Variants in CFAP20DC observed in about 807,000 individuals in gnomAD.
CFAP20DC encodes the protein protein CFAP20DC.
A neutral mutation model predicts 101.7 loss-of-function variants in CFAP20DC; 84 were observed. The ratio of observed to expected loss-of-function variants is 0.83; its 90% CI spans 0.69 to 0.99. CFAP20DC has a LOEUF of 0.99. Among genes scored for constraint, CFAP20DC ranks in the 50% least tolerant of loss-of-function variants. CFAP20DC has a pLI of 0.00. For synonymous variants in CFAP20DC, 359 were observed against 351.2 expected, an observed-to-expected ratio of 1.02 and a Z score of -0.25; for missense variants, 1,007 against 970.3, an observed-to-expected ratio of 1.04 and a Z score of -0.50.
chr3:59,040,084 A>G (rs1044308107), intron 3 of CFAP20DC, among the ~76,000 whole-genome samples: 29 of 152,032 alleles, frequency 1.9e-4, no homozygotes, highest in African/African-American at 6.8e-4. Flanking sequence ...AACAATTCTA[A>G]TTATGACAAC....
At chr3:58,819,455 G>C (rs1284951814) in intron 14 of CFAP20DC, among the ~76,000 whole-genome samples, 2 of 149,692 alleles carry the variant, frequency 1.3e-5, no homozygotes, top group African/African-American at 2.5e-5. Context: ...AATGATAAAG[G>C]GGATATCACC....
intron 4 of CFAP20DC, 98 bp from the exon 5 acceptor site, chr3:58,937,860 C>A (rs2087927851): frequency 1.4e-6 from 1 of 693,122 alleles, no homozygotes; most frequent in Non-Finnish European, 2.5e-6. Flanking sequence ...CATACAGACC[C>A]TTTTCAACAG....
chr3:58,902,614 T>C (rs184358978), intron 6 of CFAP20DC, among the ~76,000 whole-genome samples: 209 of 152,352 alleles, frequency 1.4e-3, no homozygotes, highest in African/African-American at 4.7e-3. Flanking sequence ...TATTTTTAAA[T>C]TGAGTTGTTT....
chr3:59,033,770 C>T (rs1440375922), intron 4 of CFAP20DC, among the ~76,000 whole-genome samples: 1 of 152,158 alleles, frequency 6.6e-6, no homozygotes, highest in Non-Finnish European at 1.5e-5. Flanking sequence ...AGTTGGAAAA[C>T]ACTTTTCAGG....
At position 58,870,379 on chromosome 3, in the gene CFAP20DC, T is replaced by G. The variant is rs527860574; in HGVS notation, c.716-70A>C. 1.7e-5 allele frequency: 25 copies of G among 1,514,292 alleles called. No homozygotes were observed. In the Admixed American group the frequency reaches 4.2e-4, roughly 26 times the overall value. 93.8% of individuals were successfully genotyped at this position (1,514,292 alleles called of 1,614,324 possible). A position where few individuals can be genotyped will look rare whatever the true frequency, so the allele number is the denominator to read the frequency against. On this transcript the variant is annotated intron_variant, in intron 7 of 16. Transcript: ENST00000482387. ...ATGACAAACATCACACTGCAATCTT[T>G]CTAAAAATCCAGTCCAGGTGCCATA...
intron 5 of CFAP20DC, among the ~76,000 whole-genome samples, chr3:58,935,366 T>G (rs2107737829): frequency 6.6e-6 from 1 of 152,064 alleles, no homozygotes; most frequent in African/African-American, 2.4e-5. Context: ...ATTTATAGAT[T>G]CAATGCCATC....
At chr3:58,818,477 C>T (rs897790437) in intron 14 of CFAP20DC, among the ~76,000 whole-genome samples, 1 of 151,576 alleles carries the variant, frequency 6.6e-6, no homozygotes, top group Non-Finnish European at 1.5e-5. Flanking sequence ...CTGAAAAAGG[C>T]AGGGGTTGCA....
Position 58,869,413 on chromosome 3 carries a change from T to C in CFAP20DC, c.930A>G (p.Glu310=), listed in dbSNP as rs1235504675. Residue 310 remains glutamate, a synonymous_variant, in exon 9 of 17, where the codon GAA becomes GAG. Coordinates refer to ENST00000482387, the MANE Select transcript of CFAP20DC (RefSeq NM_001394063.1). This position sits in a 1 kb window ranked among gnomAD's most constrained non-coding sequence, Gnocchi z 4.3. ...STVEKCVNGT[E]MSALLIPESE... ...ACTCAGGTATCAGCAAGGCTGACAT[T>C]TCTGTACCATTAACACACTTCTCTA... The C allele has an allele frequency of 6.2e-7, 1 of 1,613,900 alleles. No individual in the cohort carries two copies. The highest frequency in any genetic ancestry group is 1.7e-5 in the Admixed American group (1 of 60,020).
chr3:58,742,184 C>A lies in CFAP20DC; in HGVS notation c.*276G>T. 1 of 957,374 alleles carries A rather than the reference C, an allele frequency of 1.0e-6. No individual in the cohort carries two copies. Among genetic ancestry groups the A allele is most frequent in the South Asian group, 5.0e-5 (1 of 20,150 alleles). 59.3% of individuals were successfully genotyped at this position (957,374 alleles called of 1,614,324 possible). On this transcript the variant is annotated 3_prime_UTR_variant, in exon 17 of 17. Coordinates refer to ENST00000482387, the MANE Select transcript of CFAP20DC (RefSeq NM_001394063.1). ...TTTACATAAAATTATCTGAAATAAA[C>A]AAAATTATATGTAGAATGAGAACAA...
At chr3:58,935,565 C>T (rs980361231) in intron 5 of CFAP20DC, among the ~76,000 whole-genome samples, 1 of 151,912 alleles carries the variant, frequency 6.6e-6, no homozygotes, top group African/African-American at 2.4e-5. Flanking sequence ...GGTACTGGTA[C>T]CAAAACAGAG....
chr3:58,987,768 T>C (rs924129664), intron 4 of CFAP20DC, among the ~76,000 whole-genome samples: 5 of 151,802 alleles, frequency 3.3e-5, no homozygotes, highest in African/African-American at 1.2e-4. Flanking sequence ...ATTATTAGAA[T>C]TGACAAGAGA....
chr3:58,938,270 A>T (rs921788908), intron 4 of CFAP20DC, among the ~76,000 whole-genome samples: 2 of 152,250 alleles, frequency 1.3e-5, no homozygotes, highest in African/African-American at 4.8e-5. Flanking sequence ...TCCAACCAGA[A>T]TTATAATACA....
downstream of CFAP20DC, chr3:58,737,175 G>A: frequency 2.2e-6 from 1 of 456,556 alleles, no homozygotes; most frequent in Non-Finnish European, 4.4e-6. The surrounding 1 kb of genome is among the most constrained non-coding windows in gnomAD (Gnocchi z 4.1). Flanking sequence ...GATGAAAAGT[G>A]GGTCTAAAAA....
chr3:58,774,712 G>A (rs1309939671), intron 15 of CFAP20DC, among the ~76,000 whole-genome samples: 2 of 152,172 alleles, frequency 1.3e-5, no homozygotes, highest in Admixed American at 6.5e-5. Flanking sequence ...ACTGTATGAT[G>A]AGCAAATCAG....
chr3:58,916,444 T>C (rs548173020), intron 5 of CFAP20DC, among the ~76,000 whole-genome samples: 1 of 152,236 alleles, frequency 6.6e-6, no homozygotes, highest in East Asian at 1.9e-4. Flanking sequence ...CACGCTCCTT[T>C]TATTCTGTCA....
At chr3:58,956,536 A>G (rs561462444) in intron 4 of CFAP20DC, among the ~76,000 whole-genome samples, 1 of 152,280 alleles carries the variant, frequency 6.6e-6, no homozygotes, top group South Asian at 2.1e-4. Flanking sequence ...CCAGGTAGAC[A>G]GCTAAGGTTT....
At chr3:58,855,839 G>T (rs2078741422) in intron 12 of CFAP20DC, among the ~76,000 whole-genome samples, 1 of 115,818 alleles carries the variant, frequency 8.6e-6, no homozygotes, top group South Asian at 3.2e-4. Context: ...CTATTGTGGG[G>T]TGGGGGGAGG....
intron 5 of CFAP20DC, among the ~76,000 whole-genome samples, chr3:58,930,956 G>A (rs865789682): frequency 1.3e-5 from 2 of 152,302 alleles, no homozygotes; most frequent in South Asian, 4.1e-4. Context: ...GCGAGCCGAA[G>A]CAGGGCGAGG....
intron 12 of CFAP20DC, among the ~76,000 whole-genome samples, chr3:58,858,650 GA>G (rs2079022032): frequency 6.6e-6 from 1 of 151,984 alleles, no homozygotes; most frequent in Non-Finnish European, 1.5e-5. Context: ...AATCCACCAT[GA>G]AAAAAATCTT....
Sources: gnomAD v4.1 joint callset for allele counts (sites outside exome capture counted in the v4.1 genomes callset) on GRCh38, gnomAD v4.1.1 for gene constraint, Gnocchi (gnomAD v3.1) non-coding constraint, MANE v1.5 for transcripts, NCBI Gene and HGNC (gene_info 2026-07-23, HGNC 2026-07-21) for gene names.